Variants in CD244 observed in about 807,000 individuals in gnomAD.
CD244 encodes CD244 molecule.
In CD244, 20 loss-of-function variants were observed where a neutral mutation model predicts 45.5. That is an observed-to-expected ratio of 0.44 (90% CI 0.31 to 0.64). The LOEUF (loss-of-function observed/expected upper bound fraction) is 0.64, where lower values mean the gene tolerates loss of function less well. Ranked by LOEUF, CD244 falls within the 30% of genes least tolerant of loss-of-function variation. The pLI is 0.08. For synonymous variants in CD244, 185 were observed against 160.5 expected (o/e 1.15, Z -1.15); for missense variants, 407 against 426.9 (o/e 0.95, Z 0.41).
At chr1:160,833,207 A>T (rs986375341) in intron 7 of CD244, among the ~76,000 whole-genome samples, 21 of 152,150 alleles carry the variant, frequency 1.4e-4, no homozygotes, top group Non-Finnish European at 2.6e-4. Flanking sequence ...ATATTGTAGC[A>T]TATAATTAAA....
At chr1:160,839,752 G>A (rs973160515) in intron 3 of CD244, among the ~76,000 whole-genome samples, 9 of 152,276 alleles carry the variant, frequency 5.9e-5, no homozygotes, top group African/African-American at 9.6e-5. Flanking sequence ...GAACTAATTC[G>A]TCATGGATAC....
chr1:160,833,192 G>A (rs764423587), intron 7 of CD244, among the ~76,000 whole-genome samples: 1 of 152,054 alleles, frequency 6.6e-6, no homozygotes, highest in African/African-American at 2.4e-5. Context: ...CATCTATATG[G>A]CCTTATATTG....
intron 5 of CD244, among the ~76,000 whole-genome samples, chr1:160,837,290 T>C (rs1669367604): frequency 1.3e-5 from 2 of 152,148 alleles, no homozygotes; most frequent in Admixed American, 1.3e-4. Flanking sequence ...TCTCAAGTCA[T>C]CTTCTTTTTG....
intron 3 of CD244, among the ~76,000 whole-genome samples, 195 bp downstream of exon 3, chr1:160,841,015 T>C (rs564884559): frequency 7.9e-5 from 12 of 152,190 alleles, no homozygotes. Flanking sequence ...GGGATAACAT[T>C]TTTTTCCAGA....
chr1:160,836,582 CCTTA>C (rs1412446323), intron 5 of CD244, among the ~76,000 whole-genome samples: 1 of 152,162 alleles, frequency 6.6e-6, no homozygotes, highest in Non-Finnish European at 1.5e-5. Flanking sequence ...GTTATCTGAG[CCTTA>C]CCTCAGAGCA....
At chr1:160,836,408 G>A (rs1408671654) in intron 5 of CD244, among the ~76,000 whole-genome samples, 154 bp from the exon 6 acceptor site, 4 of 152,204 alleles carry the variant, frequency 2.6e-5, no homozygotes, top group Non-Finnish European at 1.5e-5. Flanking sequence ...TCCCAAGATG[G>A]GAAGAGACAG....
chr1:160,861,906 A>T (rs1286234428), intron 1 of CD244, among the ~76,000 whole-genome samples: 1 of 152,176 alleles, frequency 6.6e-6, no homozygotes, highest in Non-Finnish European at 1.5e-5. Flanking sequence ...TAAATGCGGG[A>T]TCCAGGTTTC....
At chr1:160,840,325 G>A (rs1245676272) in intron 3 of CD244, among the ~76,000 whole-genome samples, 1 of 152,076 alleles carries the variant, frequency 6.6e-6, no homozygotes, top group Non-Finnish European at 1.5e-5. Flanking sequence ...TCAGTGGCAT[G>A]ATCTTGACTC....
intron 1 of CD244, among the ~76,000 whole-genome samples, chr1:160,859,388 G>A (rs143419480): frequency 1.8e-4 from 28 of 152,264 alleles, no homozygotes; most frequent in Admixed American, 5.2e-4. Flanking sequence ...GAAGAATTTC[G>A]CAATGCTCAA....
chr1:160,853,043 T>A (rs1273899619), intron 1 of CD244, among the ~76,000 whole-genome samples: 1 of 151,958 alleles, frequency 6.6e-6, no homozygotes, highest in Non-Finnish European at 1.5e-5. Flanking sequence ...GAAAATCTGG[T>A]GTTTATATCC....
chr1:160,841,845 G>T lies in CD244; in HGVS notation c.118C>A (p.Gln40Lys), dbSNP rs776754632. 6.8e-6 allele frequency: 11 copies of T among 1,614,036 alleles called. No homozygotes were observed. The highest frequency in any genetic ancestry group is 1.3e-5 in the African/African-American group (1 of 74,898). Residue 40 changes from glutamine (Q) to lysine (K), a missense_variant, in exon 2 of 9, where the codon CAA (glutamine) becomes AAA (lysine). By Grantham distance (53) the Gln-to-Lys change is moderately conservative (BLOSUM62 1). Transcript: ENST00000368034. ...ACCTTCGTCTGTATGCTGTTTGGTT[G>T]TAACTGAAGAGGCACTCCCGAGATG... ...VSISGVPLQL[Q>K]PNSIQTKVDS...
In CD244 at chr1:160,862,799, C is replaced by A; in HGVS notation, c.-122G>T. 1 of 747,474 alleles carries A rather than the reference C, an allele frequency of 1.3e-6. No individual in the cohort carries two copies. The allele number at this position is 747,474 out of a possible 1,614,324, so 46.3% of individuals were successfully genotyped here. On this transcript the variant is annotated 5_prime_UTR_variant, in exon 1 of 9. Coordinates refer to ENST00000368034, the MANE Select transcript of CD244 (RefSeq NM_016382.4). ...GGAGCAGAACTGCCTTGCAACCTGT[C>A]CAGCCACAGTTTCCTCAATTAGAGG...
chr1:160,840,413 C>A (rs1478526709), intron 3 of CD244, among the ~76,000 whole-genome samples: 2 of 152,014 alleles, frequency 1.3e-5, no homozygotes, highest in Admixed American at 1.3e-4. Context: ...AGGTGCCCGC[C>A]AACACGCCCA....
In CD244 at chr1:160,831,341, C is replaced by G. The variant is rs371296563; in HGVS notation, c.*6G>C. 11 of 1,611,646 alleles carry G rather than the reference C, an allele frequency of 6.8e-6. No homozygotes were observed. Among genetic ancestry groups the G allele is most frequent in the Non-Finnish European group, 7.6e-6 (9 of 1,177,760 alleles). On this transcript the variant is annotated 3_prime_UTR_variant, in exon 9 of 9. Transcript: ENST00000368034. ...TGTGCAAGAAAGGTGAGAATTGCTG[C>G]AGCAACTAGGAATAAACATCAAAGT...
chr1:160,841,478 AACTT>A lies in CD244; in HGVS notation c.383_386del (p.Lys128MetfsTer42). 7 of 1,613,932 alleles carry A rather than the reference AACTT, an allele frequency of 4.3e-6. No homozygotes were observed. The highest frequency in any genetic ancestry group is 5.1e-6 in the Non-Finnish European group (6 of 1,179,958). ...CCTGCCCCTGTAGGCGGGGTTTCTC[AACTT>A]TATCTGGAAGCAGAGATTCTGATCA... On this transcript the variant is annotated frameshift_variant, in exon 3 of 9. Transcript: ENST00000368034. LOFTEE classifies it high-confidence loss of function.
At chr1:160,858,084 T>TAA (rs148027839) in intron 1 of CD244, among the ~76,000 whole-genome samples, 1 of 146,292 alleles carries the variant, frequency 6.8e-6, no homozygotes, top group African/African-American at 2.5e-5. Flanking sequence ...AATAAAAAAT[T>TAA]AAAAAAAAAA....
intron 1 of CD244, chr1:160,848,652 C>G: frequency 3.2e-6 from 1 of 313,418 alleles, no homozygotes; most frequent in South Asian, 3.0e-5. Context: ...GAATCATACC[C>G]TTTTCATCCA....
intron 1 of CD244, among the ~76,000 whole-genome samples, chr1:160,857,359 A>G (rs903920995): frequency 6.6e-6 from 1 of 152,230 alleles, no homozygotes. Flanking sequence ...CATTATTATA[A>G]TAGCAAAAAC....
intron 1 of CD244, among the ~76,000 whole-genome samples, chr1:160,859,484 A>T (rs1248219941): frequency 2.6e-5 from 4 of 152,232 alleles, no homozygotes; most frequent in Admixed American, 2.6e-4. Context: ...CTGTCATCAT[A>T]TGACTCCTGA....
Sources: gnomAD v4.1 joint callset for allele counts (sites outside exome capture counted in the v4.1 genomes callset) on GRCh38, gnomAD v4.1.1 for gene constraint, MANE v1.5 for transcripts, NCBI Gene and HGNC (gene_info 2026-07-23, HGNC 2026-07-21) for gene names.